Variants in EDNRA observed in about 807,000 individuals in gnomAD.
EDNRA encodes endothelin-1 receptor.
EDNRA carries 11 observed loss-of-function variants against 41.4 expected under a neutral mutation model. The ratio of observed to expected loss-of-function variants is 0.27; its 90% CI spans 0.17 to 0.44. EDNRA has a LOEUF of 0.44. Among genes scored for constraint, EDNRA ranks in the 20% least tolerant of loss-of-function variants. The pLI, the probability that EDNRA is intolerant of heterozygous loss-of-function variation, is 1.00. For missense variants in EDNRA, 294 were observed against 531.0 expected (o/e 0.55, Z 4.39); for synonymous variants, 172 against 183.0 (o/e 0.94, Z 0.49).
intron 5 of EDNRA, 117 bp downstream of exon 5, chr4:147,536,146 C>G: frequency 8.2e-7 from 1 of 1,213,158 alleles, no homozygotes; most frequent in Non-Finnish European, 1.1e-6. Context: ...AAAATACTAT[C>G]CTGTAACTGT....
rs1466221246 is a variant in EDNRA at position 147,544,873 on chromosome 4, A to C, written c.*2255A>C. ...CTTTACTACATCTTTTCAACAAGTA[A>C]CTTTGTAGAAATGAGCCAGAAGCCA... On this transcript the variant is annotated 3_prime_UTR_variant, in exon 8 of 8. Transcript: ENST00000651419. 1.3e-5 allele frequency: 2 copies of C among 152,654 alleles called. No homozygotes were observed. Among genetic ancestry groups the C allele is most frequent in the African/African-American group, 4.8e-5 (2 of 41,470 alleles). The allele number at this position is 152,654 out of a possible 1,614,324, so 9.5% of individuals were successfully genotyped here. A position where few individuals can be genotyped will look rare whatever the true frequency, so the allele number is the denominator to read the frequency against.
At position 147,485,094 on chromosome 4, in the gene EDNRA, A is replaced by C; in HGVS notation, c.-70-518A>C. 2.0e-5 allele frequency among the ~76,000 whole-genome samples: 3 copies of C among 152,022 alleles called. No individual in the cohort carries two copies. In the South Asian group the frequency reaches 6.3e-4, roughly 32 times the overall value. ...CAGCATATAATGCCTTTTCTCTTTCATTAAAAAATATGTTTGTATCTCAAC... is the reference window on the plus strand; with the variant it reads ...CAGCATATAATGCCTTTTCTCTTTCCTTAAAAAATATGTTTGTATCTCAAC... On this transcript the variant is annotated intron_variant, in intron 1 of 7. Coordinates refer to ENST00000651419, the MANE Select transcript of EDNRA (RefSeq NM_001957.4).
At chr4:147,541,067 C>CAAAAAAAA (rs10551607) in intron 7 of EDNRA, among the ~76,000 whole-genome samples, 1 of 46,174 alleles carries the variant, frequency 2.2e-5, no homozygotes, top group African/African-American at 6.4e-5. Flanking sequence ...GACTCAGTCT[C>CAAAAAAAA]AAAAAAAAAA....
intron 2 of EDNRA, among the ~76,000 whole-genome samples, chr4:147,506,983 G>T (rs542785246): frequency 2.4e-4 from 36 of 152,180 alleles, no homozygotes; most frequent in African/African-American, 8.4e-4. Flanking sequence ...TATTAAACCA[G>T]GCTATTCACA....
intron 2 of EDNRA, chr4:147,491,126 C>G (rs1460622970): frequency 6.6e-6 from 1 of 152,202 alleles, no homozygotes; most frequent in East Asian, 1.9e-4. Context: ...CTAATTTTGT[C>G]TACCCTAAGC....
At chr4:147,539,270 T>G (rs1370723001) in intron 5 of EDNRA, among the ~76,000 whole-genome samples, 1 of 151,998 alleles carries the variant, frequency 6.6e-6, no homozygotes, top group Non-Finnish European at 1.5e-5. Flanking sequence ...AAAAACATAG[T>G]GCTATGACTT....
At chr4:147,525,981 G>A (rs1054443524) in intron 3 of EDNRA, among the ~76,000 whole-genome samples, 5 of 152,190 alleles carry the variant, frequency 3.3e-5, no homozygotes, top group African/African-American at 1.2e-4. Flanking sequence ...AAACCTCTTT[G>A]TTAGAGTTGG....
intron 3 of EDNRA, among the ~76,000 whole-genome samples, chr4:147,531,135 T>A (rs1411251468): frequency 6.6e-6 from 1 of 152,186 alleles, no homozygotes; most frequent in Admixed American, 6.5e-5. Context: ...AATAGTGAAG[T>A]AAAAAATAGG....
chr4:147,507,411 G>C (rs530262523), intron 2 of EDNRA, among the ~76,000 whole-genome samples: 1 of 152,154 alleles, frequency 6.6e-6, no homozygotes. Flanking sequence ...CCGGAGAACC[G>C]TGCTAAGTGA....
At chr4:147,508,911 A>G (rs1376822507) in intron 2 of EDNRA, among the ~76,000 whole-genome samples, 1 of 152,172 alleles carries the variant, frequency 6.6e-6, no homozygotes, top group Non-Finnish European at 1.5e-5. Context: ...GCATTTTGTC[A>G]GAATTGTTTT....
intron 2 of EDNRA, chr4:147,495,677 C>T (rs1729278808): frequency 6.6e-6 from 1 of 152,206 alleles, no homozygotes; most frequent in Non-Finnish European, 1.5e-5. Flanking sequence ...ACGAATGGCT[C>T]ATCTAGTTAT....
At position 147,542,768 on chromosome 4, in the gene EDNRA, T is replaced by C. The variant is rs200095189; in HGVS notation, c.*150T>C. On this transcript the variant is annotated 3_prime_UTR_variant, in exon 8 of 8. Transcript: ENST00000651419. Reference sequence around the variant, plus strand: ...GAAATGCTTTCCAAAACCGCAAGGGTAGACTGGTTTATCCACCCACAACAT... The same window carrying C: ...GAAATGCTTTCCAAAACCGCAAGGGCAGACTGGTTTATCCACCCACAACAT... 3.5e-5 allele frequency: 34 copies of C among 961,482 alleles called. No individual in the cohort carries two copies. Among genetic ancestry groups the C allele is most frequent in the African/African-American group, 1.6e-5 (1 of 60,658 alleles). 59.6% of individuals were successfully genotyped at this position (961,482 alleles called of 1,614,324 possible).
intron 4 of EDNRA, among the ~76,000 whole-genome samples, chr4:147,532,997 GTGTGTGTA>G (rs1293205405): frequency 1.4e-5 from 2 of 140,962 alleles, no homozygotes; most frequent in Admixed American, 1.4e-4. Flanking sequence ...GTGTGTGTGT[GTGTGTGTA>G]TGTGTGTGTG....
intron 2 of EDNRA, among the ~76,000 whole-genome samples, chr4:147,509,050 A>G (rs927974813): frequency 1.8e-4 from 27 of 152,260 alleles, no homozygotes; most frequent in African/African-American, 6.5e-4. Flanking sequence ...AATAATATCA[A>G]TTCTTCTTTT....
At chr4:147,541,297 T>C (rs986597246) in intron 7 of EDNRA, among the ~76,000 whole-genome samples, 1 of 152,190 alleles carries the variant, frequency 6.6e-6, no homozygotes, top group African/African-American at 2.4e-5. Flanking sequence ...AATTTTCTGG[T>C]TCCTGAAATC....
intron 5 of EDNRA, 63 bp downstream of exon 5, chr4:147,536,092 T>C: frequency 6.4e-7 from 1 of 1,557,918 alleles, no homozygotes; most frequent in Non-Finnish European, 8.8e-7. Flanking sequence ...GCAGCAGGCC[T>C]GCAAATACCA....
intron 7 of EDNRA, 81 bp downstream of exon 7, chr4:147,540,566 G>A: frequency 1.1e-6 from 1 of 934,546 alleles, no homozygotes; most frequent in South Asian, 1.7e-5. Flanking sequence ...AATTCCAGTT[G>A]TAATATTACT....
intron 2 of EDNRA, among the ~76,000 whole-genome samples, chr4:147,501,117 G>A (rs1729503700): frequency 6.6e-6 from 1 of 152,188 alleles, no homozygotes; most frequent in African/African-American, 2.4e-5. Context: ...TTGTGGAAAT[G>A]GCCCAGAAGA....
chr4:147,504,328 T>A (rs1388268234), intron 2 of EDNRA, among the ~76,000 whole-genome samples: 1 of 152,222 alleles, frequency 6.6e-6, no homozygotes, highest in Non-Finnish European at 1.5e-5. Context: ...GTACTTTGCA[T>A]AGATCGTTTA....
Sources: allele counts gnomAD v4.1 joint callset (sites outside exome capture counted in the v4.1 genomes callset), GRCh38; gene constraint gnomAD v4.1.1; transcripts MANE v1.5; gene names NCBI Gene and HGNC (gene_info 2026-07-23, HGNC 2026-07-21).